Variants in SMC1B observed in about 807,000 individuals in gnomAD.
SMC1B encodes the protein structural maintenance of chromosomes 1B, also known as structural maintenance of chromosomes protein 1B.
Under a neutral mutation model 157.9 loss-of-function variants are expected in SMC1B, and 60 were observed. The ratio of observed to expected loss-of-function variants is 0.38; its 90% CI spans 0.31 to 0.47. SMC1B has a LOEUF of 0.47. SMC1B is among the 20% of genes least tolerant of loss of function. The pLI is 0.99. For synonymous variants in SMC1B, 445 were observed against 483.0 expected (o/e 0.92, Z 1.03); for missense variants, 1,165 against 1,426.2 (o/e 0.82, Z 2.95).
chr22:45,413,314 G>C, intron 1 of SMC1B, 145 bp downstream of exon 1: 1 of 618,440 alleles, frequency 1.6e-6, no homozygotes, highest in African/African-American at 1.9e-5. Context: ...GCCAGGCCGG[G>C]ATCCGGTCGC....
intron 4 of SMC1B, 150 bp downstream of exon 4, chr22:45,406,310 A>G (rs1268359268): frequency 9.5e-6 from 6 of 633,066 alleles, no homozygotes; most frequent in Non-Finnish European, 1.5e-5. Flanking sequence ...TGGGAAATAC[A>G]TCAAAAAGTT....
chr22:45,360,772 G>A (rs961669942), intron 17 of SMC1B, among the ~76,000 whole-genome samples: 1 of 152,188 alleles, frequency 6.6e-6, no homozygotes, highest in African/African-American at 2.4e-5. Context: ...TTGAAACACC[G>A]AAGGTCTTCG....
At chr22:45,394,046 G>C (rs544871832) in intron 8 of SMC1B, among the ~76,000 whole-genome samples, 1 of 152,252 alleles carries the variant, frequency 6.6e-6, no homozygotes, top group African/African-American at 2.4e-5. Context: ...ATGTGGCTGG[G>C]CCAGGTGGCT....
intron 23 of SMC1B, among the ~76,000 whole-genome samples, chr22:45,348,263 G>C (rs2086571862): frequency 6.6e-6 from 1 of 152,168 alleles, no homozygotes; most frequent in Non-Finnish European, 1.5e-5. Flanking sequence ...GATAGAACTG[G>C]GAAGTAGGGC....
chr22:45,355,691 C>T (rs1001723369), intron 19 of SMC1B, among the ~76,000 whole-genome samples: 54 of 151,224 alleles, frequency 3.6e-4, no homozygotes, highest in African/African-American at 1.2e-3. Flanking sequence ...GACAGGTTAA[C>T]ACTTAAACCT....
chr22:45,372,380 T>A, intron 12 of SMC1B, 88 bp from the exon 13 acceptor site: 1 of 1,129,970 alleles, frequency 8.8e-7, no homozygotes, highest in Non-Finnish European at 1.2e-6. Context: ...AATTCACTGA[T>A]TTTTACATAC....
chr22:45,400,250 C>G (rs1011288454), intron 5 of SMC1B, among the ~76,000 whole-genome samples: 4 of 152,014 alleles, frequency 2.6e-5, no homozygotes, highest in African/African-American at 9.7e-5. Flanking sequence ...GAGCCTGGGG[C>G]AGGCTCATAC....
chr22:45,408,160 C>A (rs1431053372), intron 2 of SMC1B, among the ~76,000 whole-genome samples: 5 of 152,112 alleles, frequency 3.3e-5, no homozygotes, highest in African/African-American at 1.2e-4. Context: ...GAGTCTTGAT[C>A]TGTCGCCTAG....
intron 12 of SMC1B, among the ~76,000 whole-genome samples, chr22:45,373,382 A>G (rs1287153988): frequency 1.3e-5 from 2 of 152,250 alleles, no homozygotes; most frequent in Non-Finnish European, 2.9e-5. Flanking sequence ...TTTATTAAAT[A>G]ATCTATCCTT....
chr22:45,357,313 A>G (rs2086679455), intron 19 of SMC1B, among the ~76,000 whole-genome samples: 1 of 152,268 alleles, frequency 6.6e-6, no homozygotes, highest in South Asian at 2.1e-4. Context: ...GTATGGCTAC[A>G]GGGATGACTG....
chr22:45,370,019 G>A lies in SMC1B; in HGVS notation c.2355C>T (p.Gly785=), dbSNP rs759507884. 2.0e-5 allele frequency: 32 copies of A among 1,593,138 alleles called. No homozygotes were observed. Among genetic ancestry groups the A allele is most frequent in the Admixed American group, 5.2e-5 (3 of 58,210 alleles). The change falls in exon 15 of 25, where the codon GGC becomes GGT. Residue 785 remains glycine (G), a synonymous_variant. Transcript: ENST00000357450. ...TCTCAAATTCACGAATATTTTCCAC[G>A]CCAATTTCTTCACAGAAGTGTTGGA... is the stretch of plus-strand genomic sequence containing the variant. ...DIFQHFCEEI[G]VENIREFENK...
chr22:45,405,327 G>A (rs1439958374), intron 4 of SMC1B, among the ~76,000 whole-genome samples: 2 of 152,044 alleles, frequency 1.3e-5, no homozygotes, highest in African/African-American at 2.4e-5. Flanking sequence ...TTGGGAGGCC[G>A]AGGCAGGCAG....
intron 15 of SMC1B, among the ~76,000 whole-genome samples, chr22:45,364,812 G>A (rs1171913581): frequency 3.4e-5 from 5 of 147,900 alleles, no homozygotes; most frequent in Admixed American, 6.7e-5. Context: ...ACATCTTGTA[G>A]GATCTCTTTT....
At chr22:45,394,539 G>C in intron 8 of SMC1B, 146 bp downstream of exon 8, 1 of 946,060 alleles carries the variant, frequency 1.1e-6, no homozygotes. Flanking sequence ...TACAGGCTGA[G>C]GTAGGAGCGT....
Position 45,370,075 on chromosome 22 carries a change from TA to T in SMC1B, c.2314-16del. On this transcript the variant is annotated splice_polypyrimidine_tract_variant and intron_variant, in intron 14 of 24. Transcript: ENST00000357450. ...TCGTCTTCTACCTTTTAAATTATTT[TA>T]AAACAATTGATTTAATAAGCAATTT... The T allele has an allele frequency of 7.5e-7, 1 of 1,337,972 alleles. No individual in the cohort carries two copies. Among genetic ancestry groups the T allele is most frequent in the Non-Finnish European group, 1.0e-6 (1 of 972,660 alleles). 82.9% of individuals were successfully genotyped at this position (1,337,972 alleles called of 1,614,324 possible). A position where few individuals can be genotyped will look rare whatever the true frequency, so the allele number is the denominator to read the frequency against.
chr22:45,396,861 C>T (rs1018778903), intron 6 of SMC1B, among the ~76,000 whole-genome samples: 1 of 151,856 alleles, frequency 6.6e-6, no homozygotes, highest in African/African-American at 2.4e-5. Context: ...ATACATGTGG[C>T]TTTGAGGAGA....
intron 19 of SMC1B, 57 bp downstream of exon 19, chr22:45,358,640 A>C: frequency 9.7e-7 from 1 of 1,031,554 alleles, no homozygotes; most frequent in Non-Finnish European, 1.4e-6. Context: ...ATGATTCGGT[A>C]AGATTTAAAT....
intron 15 of SMC1B, among the ~76,000 whole-genome samples, chr22:45,369,686 G>T (rs1015957538): frequency 1.3e-5 from 2 of 151,436 alleles, no homozygotes; most frequent in African/African-American, 4.9e-5. Context: ...GGGACTACAG[G>T]CACCTGCCAC....
At chr22:45,381,856 T>C (rs564754775) in intron 12 of SMC1B, among the ~76,000 whole-genome samples, 183 of 152,274 alleles carry the variant, frequency 1.2e-3, no homozygotes, top group African/African-American at 3.9e-3. Flanking sequence ...TGAAAATTAG[T>C]CAAGTAACCT....
Sources: allele counts gnomAD v4.1 joint callset (sites outside exome capture counted in the v4.1 genomes callset), GRCh38; gene constraint gnomAD v4.1.1; transcripts MANE v1.5; gene names NCBI Gene and HGNC (gene_info 2026-07-23, HGNC 2026-07-21).